PCDH7: variants seen among roughly 807,000 people sequenced by gnomAD.
PCDH7 encodes the protein protocadherin-7.
A neutral mutation model predicts 58.9 loss-of-function variants in PCDH7; 17 were observed. The observed-to-expected ratio is 0.29, with a 90% confidence interval of 0.20 to 0.43. PCDH7 has a LOEUF of 0.43. Ranked by LOEUF, PCDH7 falls within the 20% of genes least tolerant of loss-of-function variation. The pLI is 1.00. For missense variants in PCDH7, 1,274 were observed against 1,441.0 expected (o/e 0.88, Z 1.88); for synonymous variants, 664 against 616.4 (o/e 1.08, Z -1.14).
chr4:31,058,876 A>G (rs1216054432), intron 3 of PCDH7, among the ~76,000 whole-genome samples: 1 of 152,036 alleles, frequency 6.6e-6, no homozygotes, highest in African/African-American at 2.4e-5. Flanking sequence ...TAACAAAAGC[A>G]GTGATACACA....
intron 1 of PCDH7, among the ~76,000 whole-genome samples, chr4:30,855,885 TGCCGG>T (rs1733385171): frequency 6.6e-6 from 1 of 152,164 alleles, no homozygotes; most frequent in Non-Finnish European, 1.5e-5. Flanking sequence ...TACTTTAATC[TGCCGG>T]ATGGCCATTG....
At chr4:30,989,680 A>G (rs960233253) in intron 3 of PCDH7, among the ~76,000 whole-genome samples, 3 of 152,178 alleles carry the variant, frequency 2.0e-5, no homozygotes, top group African/African-American at 7.2e-5. Context: ...CTAACACTCA[A>G]TGAGTTAGAG....
chr4:31,029,085 C>A (rs1223358655), intron 3 of PCDH7, among the ~76,000 whole-genome samples: 3 of 152,136 alleles, frequency 2.0e-5, no homozygotes, highest in Non-Finnish European at 4.4e-5. Context: ...TTAAATATTT[C>A]TTTGATTTTG....
At chr4:30,988,093 C>T (rs1751138810) in intron 3 of PCDH7, among the ~76,000 whole-genome samples, 1 of 152,158 alleles carries the variant, frequency 6.6e-6, no homozygotes, top group East Asian at 1.9e-4. Context: ...CATAAAAATA[C>T]TCATTTGTAA....
chr4:30,832,243 G>T (rs973388580), intron 1 of PCDH7, among the ~76,000 whole-genome samples: 1 of 152,128 alleles, frequency 6.6e-6, no homozygotes, highest in Admixed American at 6.6e-5. Context: ...CACTGTTGAA[G>T]AATTTTGTCT....
intron 3 of PCDH7, among the ~76,000 whole-genome samples, chr4:30,972,260 T>C (rs545401281): frequency 4.6e-5 from 7 of 152,326 alleles, no homozygotes; most frequent in Admixed American, 2.6e-4. Flanking sequence ...GTGTGGACTG[T>C]TATGAAAATT....
chr4:31,064,359 A>G (rs568441475), intron 3 of PCDH7, among the ~76,000 whole-genome samples: 1 of 152,112 alleles, frequency 6.6e-6, no homozygotes, highest in South Asian at 2.1e-4. Flanking sequence ...CTATGTGTAT[A>G]CATGGAGTAA....
chr4:30,963,979 A>G (rs1298975536), intron 3 of PCDH7, among the ~76,000 whole-genome samples: 2 of 152,164 alleles, frequency 1.3e-5, no homozygotes, highest in Non-Finnish European at 2.9e-5. Context: ...TATTTCAAAC[A>G]CATATGTCTT....
At chr4:30,759,011 G>A (rs536451383) in intron 1 of PCDH7, among the ~76,000 whole-genome samples, 4 of 145,100 alleles carry the variant, frequency 2.8e-5, no homozygotes, top group East Asian at 4.4e-4. Context: ...ACGTGATCGC[G>A]GCTCACTGCA....
rs577794589 is a variant in PCDH7, at chr4:30,754,117, T to G, written c.70+29521T>G. 4.3e-4 allele frequency among the ~76,000 whole-genome samples: 66 copies of G among 152,116 alleles called. 3 individuals carry two copies. Among genetic ancestry groups the G allele is most frequent in the African/African-American group, 1.4e-3 (59 of 41,504 alleles). On this transcript the variant is annotated intron_variant, in intron 1 of 3. Coordinates refer to the PCDH7 transcript ENST00000509759. ...CTAAATTTTTATGAAGCAGGTAGCTTCTTCTTATCTATTCAAAACTGTCAA... is the reference window on the plus strand; with the variant it reads ...CTAAATTTTTATGAAGCAGGTAGCTGCTTCTTATCTATTCAAAACTGTCAA...
intron 1 of PCDH7, among the ~76,000 whole-genome samples, chr4:30,738,786 G>T (rs1019354151): frequency 3.3e-5 from 5 of 152,110 alleles, no homozygotes; most frequent in African/African-American, 1.2e-4. Flanking sequence ...GAGGGAGTCA[G>T]TTGAAACAGA....
At chr4:30,930,245 G>T (rs1246232283) in intron 2 of PCDH7, among the ~76,000 whole-genome samples, 1 of 152,134 alleles carries the variant, frequency 6.6e-6, no homozygotes, top group African/African-American at 2.4e-5. Context: ...TGTGGATAAG[G>T]CTATGGAGAA....
rs188529496 is a variant in PCDH7 at position 30,873,035 on chromosome 4, T to A, written c.71-47118T>A. On this transcript the variant is annotated intron_variant, in intron 1 of 3. Coordinates refer to the PCDH7 transcript ENST00000509759. ...ATTACTGAATTTTATTTTTGCTGAA[T>A]TTATGTCAAAGAGTGAACTAAATGA... 2.0e-4 allele frequency among the ~76,000 whole-genome samples: 30 copies of A among 152,232 alleles called. No homozygotes were observed. In the East Asian group the frequency reaches 3.3e-3, roughly 17 times the overall value.
Position 30,894,050 on chromosome 4 carries a change from A to G in PCDH7, c.71-26103A>G, listed in dbSNP as rs139569511. Among the ~76,000 whole-genome samples, 1,119 of 152,100 alleles carry G rather than the reference A, an allele frequency of 7.4e-3. 10 individuals carry two copies. The highest frequency in any genetic ancestry group is 0.013 in the Non-Finnish European group (891 of 67,962). On this transcript the variant is annotated intron_variant, in intron 1 of 3. Transcript: ENST00000509759. ...TGTAGAATCTTGCAAACTTCCCCAA[A>G]TTTTCTGATAATAAATTATTATTGC...
chr4:30,815,976 G>T (rs1290599153), intron 1 of PCDH7, among the ~76,000 whole-genome samples: 6 of 152,018 alleles, frequency 3.9e-5, no homozygotes, highest in Non-Finnish European at 5.9e-5. Context: ...TTTGAGAAAA[G>T]GTGTTTGAAA....
intron 3 of PCDH7, among the ~76,000 whole-genome samples, chr4:31,033,583 T>C (rs1755137613): frequency 6.6e-6 from 1 of 152,188 alleles, no homozygotes; most frequent in Non-Finnish European, 1.5e-5. Context: ...CACTTCACGA[T>C]ATAAAAACAA....
intron 1 of PCDH7, among the ~76,000 whole-genome samples, chr4:30,871,457 A>T: frequency 6.6e-6 from 1 of 152,068 alleles, no homozygotes; most frequent in East Asian, 1.9e-4. Flanking sequence ...TTCCAATAAT[A>T]TTCTGTTGGT....
chr4:30,842,306 T>G (rs1731318637), intron 1 of PCDH7, among the ~76,000 whole-genome samples: 1 of 152,160 alleles, frequency 6.6e-6, no homozygotes, highest in Non-Finnish European at 1.5e-5. Context: ...AATACATAAC[T>G]GGAACATAGT....
intron 3 of PCDH7, among the ~76,000 whole-genome samples, chr4:31,106,372 C>A (rs2109306156): frequency 6.6e-6 from 1 of 152,276 alleles, no homozygotes; most frequent in East Asian, 1.9e-4. Flanking sequence ...TAGGGAGGAT[C>A]TACTTTTCTT....
Sources: allele counts gnomAD v4.1 joint callset (sites outside exome capture counted in the v4.1 genomes callset), GRCh38; gene constraint gnomAD v4.1.1; transcripts MANE v1.5; gene names NCBI Gene and HGNC (gene_info 2026-07-23, HGNC 2026-07-21).